SEMA3C: variants seen among roughly 807,000 people sequenced by gnomAD.
The protein encoded by SEMA3C is semaphorin 3C, also known as semaphorin-3C.
Under a neutral mutation model 89.4 loss-of-function variants are expected in SEMA3C, and 47 were observed. The observed-to-expected ratio is 0.53, with a 90% confidence interval of 0.42 to 0.67. The LOEUF is 0.67. Among genes scored for constraint, SEMA3C ranks in the 30% least tolerant of loss-of-function variants. The probability of loss-of-function intolerance (pLI) is 0.00; values close to 1 mark genes in which losing one functional copy is unlikely to be tolerated. For missense variants in SEMA3C, 839 were observed against 929.1 expected (o/e 0.90, Z 1.26); for synonymous variants, 310 against 320.2 (o/e 0.97, Z 0.34).
chr7:80,784,736 G>A (rs911748089), intron 12 of SEMA3C, among the ~76,000 whole-genome samples: 1 of 152,142 alleles, frequency 6.6e-6, no homozygotes, highest in East Asian at 1.9e-4. Context: ...AAATGAATGG[G>A]TGTGGCTATA....
rs1299992163 is a variant in SEMA3C at position 80,916,683 on chromosome 7, A to G, written c.99T>C (p.Phe33=). 1 of 1,610,628 alleles carries G rather than the reference A, an allele frequency of 6.2e-7. No individual in the cohort carries two copies. Residue 33 remains phenylalanine, a synonymous_variant, in exon 2 of 18, where the codon TTT becomes TTC. Coordinates refer to ENST00000265361, the MANE Select transcript of SEMA3C (RefSeq NM_006379.5). ...AGTGTTTATCAACTCTCTTACCATC[A>G]AATGTTAAATAAACTCTTGCTTGGG... ...SQPQARVYLT[F]DELRETKTSE...
chr7:80,753,287 T>A (rs938108694), intron 15 of SEMA3C, among the ~76,000 whole-genome samples: 4 of 152,194 alleles, frequency 2.6e-5, no homozygotes, highest in Non-Finnish European at 5.9e-5. Flanking sequence ...TGCATAACAT[T>A]TGCTATATTT....
At chr7:80,746,566 C>T (rs1583836601) in intron 17 of SEMA3C, among the ~76,000 whole-genome samples, 1 of 151,894 alleles carries the variant, frequency 6.6e-6, no homozygotes, top group Admixed American at 6.6e-5. Context: ...TATACTCTCA[C>T]ATGTGTGCAG....
chr7:80,898,463 A>G (rs1023275538), intron 2 of SEMA3C, among the ~76,000 whole-genome samples: 1 of 152,186 alleles, frequency 6.6e-6, no homozygotes, highest in Non-Finnish European at 1.5e-5. Flanking sequence ...CATATATAAT[A>G]ATAACAGAAA....
At chr7:80,760,503 T>G (rs1329515653) in intron 14 of SEMA3C, among the ~76,000 whole-genome samples, 1 of 152,190 alleles carries the variant, frequency 6.6e-6, no homozygotes, top group African/African-American at 2.4e-5. Flanking sequence ...TACAAACATT[T>G]TTACAGATGA....
At chr7:80,922,378 C>T (rs1011081424), upstream of SEMA3C, 17 of 1,011,510 alleles carry the variant, frequency 1.7e-5, no homozygotes, top group African/African-American at 2.8e-4. Flanking sequence ...AAAGTCTCAA[C>T]TTCCAATGGT....
In SEMA3C at chr7:80,744,889, A is replaced by G; in HGVS notation, c.*5T>C. ...ATGGAAGCATAAGACCCACATAAGA[A>G]AATATTATGACTCTGGCAACTGATT... On this transcript the variant is annotated 3_prime_UTR_variant, in exon 18 of 18. Transcript: ENST00000265361. 1 of 1,613,904 alleles carries G rather than the reference A, an allele frequency of 6.2e-7. No individual in the cohort carries two copies. The highest frequency in any genetic ancestry group is 8.5e-7 in the Non-Finnish European group (1 of 1,179,876).
chr7:80,777,314 C>T (rs760391546), intron 12 of SEMA3C, among the ~76,000 whole-genome samples: 43 of 151,678 alleles, frequency 2.8e-4, no homozygotes, highest in African/African-American at 8.7e-4. Flanking sequence ...TTTTTTTAGA[C>T]GGCGTCTGGC....
At chr7:80,883,305 A>G (rs1279252481) in intron 2 of SEMA3C, among the ~76,000 whole-genome samples, 1 of 152,120 alleles carries the variant, frequency 6.6e-6, no homozygotes, top group African/African-American at 2.4e-5. Context: ...CATGGAATTT[A>G]GATTCTGTTC....
intron 12 of SEMA3C, among the ~76,000 whole-genome samples, chr7:80,765,788 A>G (rs991125788): frequency 3.9e-5 from 6 of 152,136 alleles, no homozygotes; most frequent in African/African-American, 1.4e-4. Context: ...CATGTTAGCC[A>G]GGATGGTCTC....
chr7:80,759,976 T>C (rs1463268697), intron 14 of SEMA3C, among the ~76,000 whole-genome samples: 3 of 152,224 alleles, frequency 2.0e-5, no homozygotes, highest in African/African-American at 7.2e-5. Context: ...CTAGATAGTA[T>C]ACTTTTTATT....
At chr7:80,826,145 G>T (rs554768662) in intron 4 of SEMA3C, among the ~76,000 whole-genome samples, 14 of 152,030 alleles carry the variant, frequency 9.2e-5, no homozygotes, top group African/African-American at 3.4e-4. Context: ...TACACCTGGG[G>T]CTGTTAGGAG....
intron 15 of SEMA3C, among the ~76,000 whole-genome samples, chr7:80,754,452 A>G (rs1788009916): frequency 6.6e-6 from 1 of 152,158 alleles, no homozygotes; most frequent in African/African-American, 2.4e-5. Context: ...AAACTAGGTA[A>G]ATTAACACTA....
chr7:80,843,255 C>T (rs563603987), intron 2 of SEMA3C, among the ~76,000 whole-genome samples: 5 of 152,208 alleles, frequency 3.3e-5, no homozygotes, highest in Non-Finnish European at 7.4e-5. Context: ...AATGGATATT[C>T]CAAATAACCT....
At position 80,770,421 on chromosome 7, in the gene SEMA3C, T is replaced by C. The variant is rs186501437; in HGVS notation, c.1355-5178A>G. On this transcript the variant is annotated intron_variant, in intron 12 of 17. Transcript: ENST00000265361. Reference sequence around the variant, plus strand: ...TTTAGTGTTCTGCAGAATTGGACTATTGCTTTTATATCCTTGGGGAAGGCA... The same window carrying C: ...TTTAGTGTTCTGCAGAATTGGACTACTGCTTTTATATCCTTGGGGAAGGCA... Among the ~76,000 whole-genome samples the C allele has an allele frequency of 4.6e-4, 70 of 152,354 alleles. 1 individual carries two copies. The highest frequency in any genetic ancestry group is 1.5e-3 in the African/African-American group (63 of 41,588).
At chr7:80,864,688 A>G (rs142468724) in intron 2 of SEMA3C, among the ~76,000 whole-genome samples, 271 of 152,292 alleles carry the variant, frequency 1.8e-3, no homozygotes, top group African/African-American at 6.1e-3. Context: ...ACTCCCATAG[A>G]TTCACATAGA....
intron 13 of SEMA3C, 147 bp downstream of exon 13, chr7:80,765,003 CTTATT>C (rs1377655680): frequency 9.7e-6 from 5 of 517,900 alleles, no homozygotes; most frequent in African/African-American, 4.0e-5. Flanking sequence ...TTCTGTATTT[CTTATT>C]TTATCTGGTG....
At chr7:80,786,497 A>C (rs879897552) in intron 12 of SEMA3C, among the ~76,000 whole-genome samples, 23 of 152,198 alleles carry the variant, frequency 1.5e-4, no homozygotes, top group South Asian at 2.1e-4. Context: ...TTTCTGGGTA[A>C]TATGAGACAC....
At chr7:80,872,446 G>C (rs182401933) in intron 2 of SEMA3C, among the ~76,000 whole-genome samples, 4 of 152,084 alleles carry the variant, frequency 2.6e-5, no homozygotes, top group Admixed American at 1.3e-4. Flanking sequence ...ATCCCAAGAG[G>C]GGGGTGAGTA....
Sources: allele counts gnomAD v4.1 joint callset (sites outside exome capture counted in the v4.1 genomes callset), GRCh38; gene constraint gnomAD v4.1.1; transcripts MANE v1.5; gene names NCBI Gene and HGNC (gene_info 2026-07-23, HGNC 2026-07-21).